RANBP17: variants seen among roughly 807,000 people sequenced by gnomAD.
RANBP17 encodes the protein RAN binding protein 17.
A neutral mutation model predicts 141.2 loss-of-function variants in RANBP17; 158 were observed. The ratio of observed to expected loss-of-function variants is 1.12; its 90% CI spans 0.98 to 1.28. The LOEUF (loss-of-function observed/expected upper bound fraction) is 1.28, where lower values mean the gene tolerates loss of function less well. Ranked by LOEUF, RANBP17 falls within the 50% of genes most tolerant of loss-of-function variation. RANBP17 has a pLI of 0.00. For synonymous variants in RANBP17, 430 were observed against 450.0 expected (o/e 0.96, Z 0.56); for missense variants, 1,438 against 1,290.7 (o/e 1.11, Z -1.75).
intron 14 of RANBP17, among the ~76,000 whole-genome samples, chr5:171,014,357 G>C (rs941086202): frequency 3.3e-5 from 5 of 151,620 alleles, no homozygotes; most frequent in African/African-American, 1.2e-4. Flanking sequence ...TTAATCTACT[G>C]TTTTCCCTTT....
chr5:170,902,052 A>G (rs558577230), intron 5 of RANBP17, among the ~76,000 whole-genome samples: 44 of 152,162 alleles, frequency 2.9e-4, no homozygotes, highest in African/African-American at 1.0e-3. Flanking sequence ...TATTTCCTGA[A>G]TTTGAACGTT....
chr5:170,997,828 G>A (rs1409472662), intron 14 of RANBP17, among the ~76,000 whole-genome samples: 1 of 152,014 alleles, frequency 6.6e-6, no homozygotes, highest in African/African-American at 2.4e-5. Flanking sequence ...AGGAACAAAA[G>A]CACCATAAGG....
intron 12 of RANBP17, among the ~76,000 whole-genome samples, chr5:170,945,760 CTTATTTTAAATTCAGCTA>C (rs1774696218): frequency 1.3e-5 from 2 of 152,068 alleles, no homozygotes; most frequent in Non-Finnish European, 2.9e-5. Flanking sequence ...ATTAAGCTTG[CTTATTTTAAATTCAGCTA>C]TATCAACAAG....
intron 24 of RANBP17, chr5:171,251,842 G>T: frequency 1.5e-6 from 2 of 1,310,718 alleles, no homozygotes; most frequent in African/African-American, 1.4e-5. Context: ...CTCCAAATTC[G>T]CTTCCATCTG....
At chr5:170,892,018 C>T (rs1769658933) in intron 3 of RANBP17, among the ~76,000 whole-genome samples, 3 of 152,150 alleles carry the variant, frequency 2.0e-5, no homozygotes, top group Admixed American at 2.0e-4. Context: ...TATAAATAAA[C>T]ATATGTCTTG....
At chr5:171,103,204 ACC>A (rs1787297959) in intron 14 of RANBP17, among the ~76,000 whole-genome samples, 1 of 152,046 alleles carries the variant, frequency 6.6e-6, no homozygotes, top group Admixed American at 6.5e-5. Context: ...ACCCACAGCC[ACC>A]CCTTCCCCCA....
intron 7 of RANBP17, among the ~76,000 whole-genome samples, chr5:170,913,674 C>T (rs1771715807): frequency 6.6e-6 from 1 of 151,976 alleles, no homozygotes; most frequent in African/African-American, 2.4e-5. Flanking sequence ...CGTGATTAGA[C>T]AGCTAAAGCG....
chr5:171,013,805 G>A (rs1581398017), intron 14 of RANBP17, among the ~76,000 whole-genome samples: 1 of 152,070 alleles, frequency 6.6e-6, no homozygotes, highest in South Asian at 2.1e-4. Context: ...AAATAGAAGA[G>A]TATGGTGTTT....
intron 12 of RANBP17, among the ~76,000 whole-genome samples, chr5:170,931,951 G>T (rs867760890): frequency 1.4e-4 from 22 of 152,108 alleles, no homozygotes; most frequent in African/African-American, 4.3e-4. Flanking sequence ...AAGAAAGTCA[G>T]TGGTAGCTTG....
chr5:170,862,267 G>A (rs1020699534), intron 1 of RANBP17, among the ~76,000 whole-genome samples: 1 of 152,182 alleles, frequency 6.6e-6, no homozygotes, highest in Non-Finnish European at 1.5e-5. Context: ...GAAAGGGGCG[G>A]CCGAGCCTGG....
At chr5:171,234,905 A>G (rs1425881984) in intron 22 of RANBP17, among the ~76,000 whole-genome samples, 1 of 152,202 alleles carries the variant, frequency 6.6e-6, no homozygotes. Flanking sequence ...AAAGCGCAGA[A>G]CTAGGTAAGA....
At chr5:171,171,144 T>C (rs1236138677) in intron 15 of RANBP17, 62 bp from the exon 16 acceptor site, 2 of 879,690 alleles carry the variant, frequency 2.3e-6, no homozygotes, top group East Asian at 5.0e-5. Flanking sequence ...ATGTGTATTC[T>C]CTGGTTCTCC....
intron 14 of RANBP17, among the ~76,000 whole-genome samples, chr5:171,113,308 A>G (rs891582215): frequency 3.0e-4 from 45 of 152,288 alleles, no homozygotes; most frequent in African/African-American, 1.0e-3. Flanking sequence ...ACTTACAAAT[A>G]GAGAAAAATT....
chr5:171,020,499 T>C (rs2127601504), intron 14 of RANBP17, among the ~76,000 whole-genome samples: 1 of 152,332 alleles, frequency 6.6e-6, no homozygotes, highest in African/African-American at 2.4e-5. Flanking sequence ...CTTGTTGAAT[T>C]GTTCCCTTTG....
At chr5:171,138,081 A>G (rs539377513) in intron 14 of RANBP17, among the ~76,000 whole-genome samples, 1 of 152,100 alleles carries the variant, frequency 6.6e-6, no homozygotes, top group Non-Finnish European at 1.5e-5. Context: ...CTTGTAAAAT[A>G]AAGAATGAAC....
chr5:171,178,847 C>T (rs866168289), intron 16 of RANBP17, among the ~76,000 whole-genome samples: 25 of 152,204 alleles, frequency 1.6e-4, no homozygotes, highest in Middle Eastern at 6.8e-3. Context: ...TCCTATCCGT[C>T]GCCCACTTTT....
At chr5:171,201,135 A>T (rs1762275468) in intron 19 of RANBP17, among the ~76,000 whole-genome samples, 1 of 152,200 alleles carries the variant, frequency 6.6e-6, no homozygotes, top group Non-Finnish European at 1.5e-5. Context: ...TTGTAATCCC[A>T]TCTAGTTTGA....
At chr5:171,162,231 T>C (rs1429049494) in intron 14 of RANBP17, among the ~76,000 whole-genome samples, 1 of 152,172 alleles carries the variant, frequency 6.6e-6, no homozygotes, top group African/African-American at 2.4e-5. Context: ...GCCCCAGACA[T>C]GGAGTGAATT....
At chr5:171,046,389 T>C (rs1323199180) in intron 14 of RANBP17, among the ~76,000 whole-genome samples, 1 of 151,952 alleles carries the variant, frequency 6.6e-6, no homozygotes, top group Non-Finnish European at 1.5e-5. Flanking sequence ...TTTGTGTTTT[T>C]AGTAGAGACA....
Sources: allele counts gnomAD v4.1 joint callset (sites outside exome capture counted in the v4.1 genomes callset), GRCh38; gene constraint gnomAD v4.1.1; transcripts MANE v1.5; gene names NCBI Gene and HGNC (gene_info 2026-07-23, HGNC 2026-07-21).